Variants in OPCML observed in about 807,000 individuals in gnomAD.
OPCML encodes opioid-binding protein/cell adhesion molecule.
Under a neutral mutation model 37.8 loss-of-function variants are expected in OPCML, and 13 were observed. The ratio of observed to expected loss-of-function variants is 0.34; its 90% CI spans 0.22 to 0.55. OPCML has a LOEUF of 0.55. OPCML is among the 20% of genes least tolerant of loss of function. The pLI is 0.91. For synonymous variants in OPCML, 176 were observed against 168.8 expected (o/e 1.04, Z -0.33); for missense variants, 341 against 435.6 (o/e 0.78, Z 1.93).
intron 1 of OPCML, among the ~76,000 whole-genome samples, chr11:133,514,104 C>A (rs765810753): frequency 6.6e-6 from 1 of 152,152 alleles, no homozygotes; most frequent in Non-Finnish European, 1.5e-5. Context: ...AACAAAGACA[C>A]CCCAAAACTG....
In OPCML at chr11:133,316,893, C is replaced by T. The variant is rs117384429; in HGVS notation, c.61+215371G>A. On this transcript the variant is annotated intron_variant, in intron 1 of 7. Transcript: ENST00000524381. ...AACTCAGTTTCATGATTACATTTCA[C>T]TGAAGCTAACATGTAACTGTTAGGC... Among the ~76,000 whole-genome samples, 1,008 of 152,306 alleles carry T rather than the reference C, an allele frequency of 6.6e-3. 2 individuals carry two copies. The highest frequency in any genetic ancestry group is 0.014 in the Middle Eastern group (4 of 294).
At chr11:133,526,316 G>C (rs1267657333) in intron 1 of OPCML, among the ~76,000 whole-genome samples, 1 of 152,236 alleles carries the variant, frequency 6.6e-6, no homozygotes, top group African/African-American at 2.4e-5. Context: ...GGGAGTTCTG[G>C]AAAGGCAGAT....
At chr11:133,001,188 AG>A (rs1946994984) in intron 1 of OPCML, among the ~76,000 whole-genome samples, 1 of 152,200 alleles carries the variant, frequency 6.6e-6, no homozygotes, top group Non-Finnish European at 1.5e-5. Context: ...GTCTTTAAAA[AG>A]AAACAATAAT....
chr11:133,242,711 A>G (rs1346986379), intron 1 of OPCML, among the ~76,000 whole-genome samples: 1 of 152,164 alleles, frequency 6.6e-6, no homozygotes, highest in Non-Finnish European at 1.5e-5. Flanking sequence ...CAGGACTTAA[A>G]CCTATGAATG....
intron 7 of OPCML, 43 bp from the exon 8 acceptor site, chr11:132,420,336 A>G: frequency 1.9e-6 from 3 of 1,606,776 alleles, no homozygotes; most frequent in Non-Finnish European, 2.5e-6. Context: ...CATACACCCA[A>G]GGACACCATA....
At chr11:132,932,667 A>G (rs1945246546) in intron 2 of OPCML, among the ~76,000 whole-genome samples, 1 of 146,728 alleles carries the variant, frequency 6.8e-6, no homozygotes, top group East Asian at 2.0e-4. Flanking sequence ...GCATGGATAA[A>G]TTGTGAATTC....
chr11:133,473,118 G>A (rs1281571825), intron 1 of OPCML, among the ~76,000 whole-genome samples: 7 of 152,168 alleles, frequency 4.6e-5, no homozygotes, highest in Admixed American at 4.6e-4. Context: ...GGAAAGATGA[G>A]TCTATAATAT....
At chr11:133,197,223 G>A (rs1015823786) in intron 1 of OPCML, among the ~76,000 whole-genome samples, 1 of 152,176 alleles carries the variant, frequency 6.6e-6, no homozygotes, top group Non-Finnish European at 1.5e-5. Flanking sequence ...ATACCATCAG[G>A]TATAATGGAT....
intron 1 of OPCML, among the ~76,000 whole-genome samples, chr11:132,987,322 G>A (rs1181486188): frequency 6.6e-6 from 1 of 152,168 alleles, no homozygotes. Flanking sequence ...GCCAGGCAAT[G>A]GAGCCTAGGG....
At chr11:132,871,784 G>T (rs1487235012) in intron 2 of OPCML, among the ~76,000 whole-genome samples, 1 of 152,228 alleles carries the variant, frequency 6.6e-6, no homozygotes, top group African/African-American at 2.4e-5. Flanking sequence ...CAGCTTTGCA[G>T]AATATTCCAG....
chr11:132,780,255 C>T lies in OPCML; in HGVS notation c.147-122936G>A, dbSNP rs538745263. Among the ~76,000 whole-genome samples, 3 of 152,330 alleles carry T rather than the reference C, an allele frequency of 2.0e-5. No individual in the cohort carries two copies. In the East Asian group the frequency reaches 5.8e-4, roughly 29 times the overall value. On this transcript the variant is annotated intron_variant, in intron 2 of 7. Coordinates refer to ENST00000524381, the MANE Select transcript of OPCML (RefSeq NM_001012393.5). ...CATTAAGCAGTGGTACAGCTCTCTG[C>T]TCCACACTGTACGTGAGACACTGAG...
At chr11:132,847,027 G>A (rs1267106393) in intron 2 of OPCML, among the ~76,000 whole-genome samples, 1 of 152,202 alleles carries the variant, frequency 6.6e-6, no homozygotes, top group African/African-American at 2.4e-5. Context: ...GTAAAAGCAT[G>A]AGGCTATCTG....
chr11:132,649,049 T>G (rs538639064), intron 3 of OPCML, among the ~76,000 whole-genome samples: 173 of 152,224 alleles, frequency 1.1e-3, no homozygotes, highest in Non-Finnish European at 1.9e-3. Flanking sequence ...CTATAAAAAC[T>G]GTGTGAGCGT....
intron 2 of OPCML, among the ~76,000 whole-genome samples, chr11:132,720,098 C>T (rs575886984): frequency 2.6e-5 from 4 of 152,332 alleles, no homozygotes; most frequent in African/African-American, 9.6e-5. Context: ...TATCTCATAA[C>T]AAATAAATGA....
rs116190176 is a variant in OPCML at position 132,710,035 on chromosome 11, A to G, written c.147-52716T>C. On this transcript the variant is annotated intron_variant, in intron 2 of 7. Transcript: ENST00000524381. ...CTGTAATACAGTTGGTAATCTAATA[A>G]ATATTCCCCATTTATAATCTAAGTA... Among the ~76,000 whole-genome samples, 559 of 152,298 alleles carry G rather than the reference A, an allele frequency of 3.7e-3. 3 individuals carry two copies. The highest frequency in any genetic ancestry group is 0.013 in the African/African-American group (528 of 41,562).
intron 4 of OPCML, among the ~76,000 whole-genome samples, chr11:132,516,662 A>C (rs1241819704): frequency 6.6e-6 from 1 of 151,914 alleles, no homozygotes; most frequent in Admixed American, 6.6e-5. Context: ...AAACAAACTA[A>C]TTGCTCTTCA....
intron 4 of OPCML, among the ~76,000 whole-genome samples, chr11:132,438,390 G>A (rs115565574): frequency 0.012 from 1,797 of 152,376 alleles, 33 homozygotes; most frequent in African/African-American, 0.041. Context: ...GGCAACAAAA[G>A]TGTGAGCTTT....
In OPCML at chr11:132,988,512, T is replaced by C. The variant is rs183462283; in HGVS notation, c.62-45502A>G. ...TAGTAAAGGCATCAAGAATGTCCAC[T>C]AATTAAAGCTAGACAGAAATGGGGA... On this transcript the variant is annotated intron_variant, in intron 1 of 7. Transcript: ENST00000524381. Among the ~76,000 whole-genome samples, 7 of 152,344 alleles carry C rather than the reference T, an allele frequency of 4.6e-5. No individual in the cohort carries two copies. The East Asian group carries it at 1.2e-3, about 25-fold the overall frequency.
intron 1 of OPCML, among the ~76,000 whole-genome samples, chr11:133,458,217 C>T (rs141426562): frequency 0.025 from 2,868 of 116,100 alleles, 374 homozygotes; most frequent in African/African-American, 0.14. Flanking sequence ...TGTATATATA[C>T]ACATATATAC....
Sources: gnomAD v4.1 joint callset for allele counts (sites outside exome capture counted in the v4.1 genomes callset) on GRCh38, gnomAD v4.1.1 for gene constraint, MANE v1.5 for transcripts, NCBI Gene and HGNC (gene_info 2026-07-23, HGNC 2026-07-21) for gene names.